Variants in CPLANE1 observed in about 807,000 individuals in gnomAD.
CPLANE1 encodes ciliogenesis and planar polarity effector 1.
In CPLANE1, 263 loss-of-function variants were observed where a neutral mutation model predicts 362.5. The observed-to-expected ratio is 0.73, with a 90% CI of 0.66 to 0.80. CPLANE1 has a LOEUF of 0.80. Ranked by LOEUF, CPLANE1 falls within the 30% of genes least tolerant of loss-of-function variation. The pLI, the probability that CPLANE1 is intolerant of heterozygous loss-of-function variation, is 0.00. For synonymous variants in CPLANE1, 1,212 were observed against 1,302.6 expected (o/e 0.93, Z 1.50); for missense variants, 3,461 against 3,793.4 (o/e 0.91, Z 2.30).
rs768661673 is a variant in CPLANE1 at position 37,120,287 on chromosome 5, T to C, written c.9239A>G (p.Tyr3080Cys). ...ATGGATATAACTCGGTTTGGACATA[T>C]ATTTGACTTTTCCAGGTCGATTTAT... ...FLINRPGKVK[Y>C]MSKPSYIHKR... Residue 3080 changes from tyrosine to cysteine, a missense_variant, in exon 50 of 53, where the codon TAT becomes TGT. By Grantham distance (194) the Tyr-to-Cys change is radical. Around this residue, in one of 2 missense-constraint regions of CPLANE1, gnomAD observed 3,380 missense variants for 3,666.1 expected, o/e 0.92. Transcript: ENST00000651892. 5 of 1,599,614 alleles carry C rather than the reference T, an allele frequency of 3.1e-6. No homozygotes were observed. Among genetic ancestry groups the C allele is most frequent in the African/African-American group, 1.4e-5 (1 of 74,044 alleles).
chr5:37,107,237 G>A lies in CPLANE1; in HGVS notation c.*365C>T. The A allele has an allele frequency of 9.9e-7, 1 of 1,006,990 alleles. No homozygotes were observed. 62.4% of individuals were successfully genotyped at this position (1,006,990 alleles called of 1,614,324 possible). On this transcript the variant is annotated 3_prime_UTR_variant, in exon 53 of 53. Coordinates refer to ENST00000651892, the MANE Select transcript of CPLANE1 (RefSeq NM_001384732.1). ...TTTTTTTTTCCTATTAGATTCATCT[G>A]TATATGGTTGTTTCTCAAAACTCAG...
the CPLANE1 span, among the ~76,000 whole-genome samples, chr5:37,091,568 T>C: frequency 6.6e-6 from 1 of 152,058 alleles, no homozygotes; most frequent in Non-Finnish European, 1.5e-5. Flanking sequence ...CCTCCAACAC[T>C]ATTGGCACAA....
chr5:37,112,579 C>T (rs1759662736), intron 51 of CPLANE1, among the ~76,000 whole-genome samples: 1 of 152,214 alleles, frequency 6.6e-6, no homozygotes, highest in South Asian at 2.1e-4. Context: ...AGTACTCTTT[C>T]TCTAGGACGG....
At chr5:37,119,542 T>C (rs531147095) in intron 50 of CPLANE1, among the ~76,000 whole-genome samples, 11 of 152,184 alleles carry the variant, frequency 7.2e-5, no homozygotes, top group Admixed American at 4.6e-4. Flanking sequence ...TGGTGATGCA[T>C]ACCTATAATC....
chr5:37,089,648 T>A, the CPLANE1 span, among the ~76,000 whole-genome samples: 1 of 152,214 alleles, frequency 6.6e-6, no homozygotes, highest in Non-Finnish European at 1.5e-5. Context: ...TGGGACCACT[T>A]CAGCAGCAGC....
At chr5:37,093,791 G>A in the CPLANE1 span, among the ~76,000 whole-genome samples, 1 of 152,064 alleles carries the variant, frequency 6.6e-6, no homozygotes, top group Non-Finnish European at 1.5e-5. Context: ...AGAATGGTGG[G>A]GAAAATTATA....
intron 30 of CPLANE1, chr5:37,176,220 T>C: frequency 2.7e-6 from 1 of 364,968 alleles, no homozygotes; most frequent in Non-Finnish European, 4.9e-6. Context: ...TACGGCTGAC[T>C]GCTCAGCAAT....
intron 46 of CPLANE1, among the ~76,000 whole-genome samples, chr5:37,127,883 T>A (rs1036960605): frequency 6.6e-6 from 1 of 152,018 alleles, no homozygotes; most frequent in Non-Finnish European, 1.5e-5. Flanking sequence ...CTACCAAAAC[T>A]ATAAAAATTA....
In CPLANE1 at chr5:37,142,893, G is replaced by T. The variant is rs899623229; in HGVS notation, c.8462-413C>A. 2.6e-5 allele frequency among the ~76,000 whole-genome samples: 4 copies of T among 152,182 alleles called. No homozygotes were observed. The East Asian group carries it at 7.7e-4, about 29-fold the overall frequency. ...AATAGGAGATGTGGTTCTGTACACT[G>T]CAATGAGGGAAAAACTGAGCTACCT... On this transcript the variant is annotated intron_variant, in intron 43 of 52. Coordinates refer to ENST00000651892, the MANE Select transcript of CPLANE1 (RefSeq NM_001384732.1).
In CPLANE1 at chr5:37,201,806, GATCT is replaced by G; in HGVS notation, c.3290-2_3291del. 1 of 1,599,790 alleles carries G rather than the reference GATCT, an allele frequency of 6.3e-7. No individual in the cohort carries two copies. The highest frequency in any genetic ancestry group is 2.2e-5 in the East Asian group (1 of 44,610). The stretch of plus-strand genomic sequence containing the variant: ...AGATTTGCATCTTCCTCTTCAATGG[GATCT>G]ATCAAATACAAAAATTTGGTAAAAT... On this transcript the variant is annotated splice_acceptor_variant and coding_sequence_variant, in exon 19 of 53. Coordinates refer to ENST00000651892, the MANE Select transcript of CPLANE1 (RefSeq NM_001384732.1).
intron 9 of CPLANE1, among the ~76,000 whole-genome samples, chr5:37,229,988 C>G (rs1171686782): frequency 1.3e-5 from 2 of 151,944 alleles, no homozygotes; most frequent in Non-Finnish European, 2.9e-5. Context: ...ACCAGCCTGA[C>G]CAACATGGTG....
intron 6 of CPLANE1, 76 bp from the exon 7 acceptor site, chr5:37,239,945 T>A (rs113907029): frequency 9.3e-7 from 1 of 1,069,718 alleles, no homozygotes; most frequent in Non-Finnish European, 1.3e-6. Context: ...TTACAAAAAT[T>A]AAAGGATCCA....
In CPLANE1 at chr5:37,170,093, T is replaced by A. The variant is rs958416569; in HGVS notation, c.6410A>T (p.His2137Leu). 6.2e-7 allele frequency: 1 copy of A among 1,614,078 alleles called. No individual in the cohort carries two copies. The highest frequency in any genetic ancestry group is 8.5e-7 in the Non-Finnish European group (1 of 1,180,046). The change falls in exon 33 of 53, where the codon CAC becomes CTC. Residue 2137 changes from histidine to leucine, a missense_variant. Transcript: ENST00000651892. ...NAREPRKNSP[H>L]CHEGTIPSGQ... Reference sequence around the variant, plus strand: ...AGATGGGATAGTTCCTTCATGGCAGTGTGGGCTGTTCTTGCGAGGCTCTCT... The same window carrying A: ...AGATGGGATAGTTCCTTCATGGCAGAGTGGGCTGTTCTTGCGAGGCTCTCT...
At position 37,187,811 on chromosome 5, in the gene CPLANE1, C is replaced by A; in HGVS notation, c.3843G>T (p.Trp1281Cys). 6.2e-7 allele frequency: 1 copy of A among 1,613,696 alleles called. No individual in the cohort carries two copies. Residue 1281 changes from tryptophan (W) to cysteine (C), a missense_variant, in exon 22 of 53, where the codon TGG (tryptophan) becomes TGT (cysteine). Coordinates refer to ENST00000651892, the MANE Select transcript of CPLANE1 (RefSeq NM_001384732.1). ...GCFRELCALC[W>C]MLHVRDKLSY... ...ATAACTTATCACGGACATGCAGCATCCAACACAGAGCACAAAGTTCTCTGA... is the reference window on the plus strand; with the variant it reads ...ATAACTTATCACGGACATGCAGCATACAACACAGAGCACAAAGTTCTCTGA...
At chr5:37,132,405 C>T (rs1391080648) in intron 46 of CPLANE1, among the ~76,000 whole-genome samples, 1 of 133,246 alleles carries the variant, frequency 7.5e-6, no homozygotes. Flanking sequence ...AGTGCATTGG[C>T]GCAATCTCGG....
intron 26 of CPLANE1, among the ~76,000 whole-genome samples, chr5:37,181,450 C>T (rs963509760): frequency 6.6e-6 from 1 of 152,082 alleles, no homozygotes; most frequent in Non-Finnish European, 1.5e-5. Flanking sequence ...CCTAGAAATA[C>T]ACATTTCAAG....
chr5:37,182,617 A>C (rs1031043284), intron 26 of CPLANE1, 143 bp downstream of exon 26: 13 of 621,272 alleles, frequency 2.1e-5, no homozygotes, highest in Non-Finnish European at 3.2e-5. Context: ...CTGGAAGAAA[A>C]AAATAGGAGA....
chr5:37,233,696 G>A (rs1271810529), intron 8 of CPLANE1, among the ~76,000 whole-genome samples: 1 of 151,686 alleles, frequency 6.6e-6, no homozygotes, highest in African/African-American at 2.4e-5. Flanking sequence ...GATACCCAGG[G>A]GCCTGAGAAA....
intron 32 of CPLANE1, 124 bp downstream of exon 32, chr5:37,173,631 C>T: frequency 1.2e-6 from 1 of 829,822 alleles, no homozygotes; most frequent in Non-Finnish European, 1.8e-6. Context: ...ATGAAAAGTA[C>T]CCAAAGCAGA....
Sources: allele counts gnomAD v4.1 joint callset (sites outside exome capture counted in the v4.1 genomes callset), GRCh38; gene constraint gnomAD v4.1.1; regional missense constraint gnomAD v4.1.1; transcripts MANE v1.5; gene names NCBI Gene and HGNC (gene_info 2026-07-23, HGNC 2026-07-21).